EXD3: variants seen among roughly 807,000 people sequenced by gnomAD.
EXD3 encodes the protein exonuclease 3'-5' domain containing 3.
A neutral mutation model predicts 98.0 loss-of-function variants in EXD3; 92 were observed. The ratio of observed to expected loss-of-function variants is 0.94; its 90% CI spans 0.79 to 1.12. The LOEUF (loss-of-function observed/expected upper bound fraction) is 1.12, where lower values mean the gene tolerates loss of function less well. EXD3 is among the 50% of genes most tolerant of loss of function. The probability of loss-of-function intolerance (pLI) is 0.00; values close to 1 mark genes in which losing one functional copy is unlikely to be tolerated. For missense variants in EXD3, 1,222 were observed against 1,191.6 expected (o/e 1.03, Z -0.38); for synonymous variants, 569 against 526.0 (o/e 1.08, Z -1.12).
At chr9:137,358,471 C>T (rs1000727911) in intron 7 of EXD3, among the ~76,000 whole-genome samples, 17 of 152,264 alleles carry the variant, frequency 1.1e-4, no homozygotes, top group South Asian at 4.2e-4. Flanking sequence ...CTGTGCCTCC[C>T]GGGGGCTCCG....
At chr9:137,419,965 C>T (rs780443726) in intron 1 of EXD3, among the ~76,000 whole-genome samples, 1 of 152,098 alleles carries the variant, frequency 6.6e-6, no homozygotes, top group Non-Finnish European at 1.5e-5. Flanking sequence ...CGAGACCATC[C>T]TGGCTAATAC....
rs1167906106 is a variant in EXD3 at position 137,405,018 on chromosome 9, C to G, written c.-47-9614G>C. 1.3e-5 allele frequency among the ~76,000 whole-genome samples: 2 copies of G among 152,160 alleles called. No individual in the cohort carries two copies. Among genetic ancestry groups the G allele is most frequent in the Non-Finnish European group, 2.9e-5 (2 of 68,016 alleles). On this transcript the variant is annotated intron_variant, in intron 1 of 21. Coordinates refer to ENST00000340951, the MANE Select transcript of EXD3 (RefSeq NM_017820.5). This position sits in a 1 kb window ranked among gnomAD's most constrained non-coding sequence, Gnocchi z 4.1. ...CTCGAGGGGACACAGTGCTATCCCC[C>G]AGGCGAGCCGGGTGCTGGGAGGGGA...
chr9:137,321,550 G>A (rs1730829570), intron 19 of EXD3, among the ~76,000 whole-genome samples: 1 of 152,214 alleles, frequency 6.6e-6, no homozygotes, highest in Non-Finnish European at 1.5e-5. Context: ...GCCCGTGGTG[G>A]TGGGCACCTG....
chr9:137,366,656 C>A, intron 6 of EXD3, 24 bp from the exon 7 acceptor site: 1 of 1,544,976 alleles, frequency 6.5e-7, no homozygotes, highest in East Asian at 2.4e-5. Context: ...CACGGTCAGG[C>A]CACAGCCTCC....
intron 16 of EXD3, among the ~76,000 whole-genome samples, chr9:137,348,508 G>A (rs369282612): frequency 3.6e-3 from 89 of 24,996 alleles, no homozygotes; most frequent in Non-Finnish European, 5.0e-3. Flanking sequence ...ATCACGGGGA[G>A]GGGGCTAGAT....
chr9:137,391,421 G>A (rs574418282), intron 2 of EXD3, among the ~76,000 whole-genome samples: 6 of 152,146 alleles, frequency 3.9e-5, no homozygotes, highest in Non-Finnish European at 7.4e-5. Flanking sequence ...GGTCTCCTCC[G>A]GGAAGCCAGG....
At chr9:137,321,499 A>G (rs1429280922) in intron 19 of EXD3, among the ~76,000 whole-genome samples, 5 of 152,216 alleles carry the variant, frequency 3.3e-5, no homozygotes, top group Non-Finnish European at 7.3e-5. Context: ...CCTGACCAAC[A>G]TGGTGAAACC....
At chr9:137,372,662 G>A (rs1363075380) in intron 5 of EXD3, among the ~76,000 whole-genome samples, 2 of 152,202 alleles carry the variant, frequency 1.3e-5, no homozygotes, top group Non-Finnish European at 2.9e-5. Context: ...TCGGCAGGGG[G>A]AGACCCAGGC....
chr9:137,372,115 T>C (rs1835649078), intron 5 of EXD3, among the ~76,000 whole-genome samples: 1 of 152,074 alleles, frequency 6.6e-6, no homozygotes, highest in Non-Finnish European at 1.5e-5. Context: ...CCAATTCTCA[T>C]CCAGACACCT....
At chr9:137,380,353 C>G (rs1388871452) in intron 3 of EXD3, among the ~76,000 whole-genome samples, 1 of 108,284 alleles carries the variant, frequency 9.2e-6, no homozygotes, top group Non-Finnish European at 1.9e-5. Flanking sequence ...ACCCCAACCC[C>G]CGTCCGGGCA....
At chr9:137,417,238 G>C (rs1838279601) in intron 1 of EXD3, among the ~76,000 whole-genome samples, 1 of 152,222 alleles carries the variant, frequency 6.6e-6, no homozygotes, top group African/African-American at 2.4e-5. Context: ...ACGGACTCAC[G>C]CGGGCGCCGC....
intron 17 of EXD3, among the ~76,000 whole-genome samples, chr9:137,341,466 G>A (rs1316376943): frequency 3.3e-5 from 5 of 152,244 alleles, no homozygotes; most frequent in African/African-American, 4.8e-5. Flanking sequence ...AAAGGGAAAA[G>A]GCACATGGGG....
At chr9:137,389,713 T>C (rs1588407514) in intron 2 of EXD3, among the ~76,000 whole-genome samples, 1 of 152,164 alleles carries the variant, frequency 6.6e-6, no homozygotes, top group South Asian at 2.1e-4. Flanking sequence ...GGTGGATGCA[T>C]GCAGAGAGGG....
At chr9:137,414,981 G>A (rs1385233050) in intron 1 of EXD3, among the ~76,000 whole-genome samples, 1 of 152,136 alleles carries the variant, frequency 6.6e-6, no homozygotes, top group Non-Finnish European at 1.5e-5. Context: ...TTTGCCTCCA[G>A]GGTTCAAGTG....
chr9:137,376,155 T>C (rs1287504835), intron 3 of EXD3, among the ~76,000 whole-genome samples: 1 of 151,584 alleles, frequency 6.6e-6, no homozygotes, highest in Non-Finnish European at 1.5e-5. Flanking sequence ...CCAGCCTGGC[T>C]AACACAGTGA....
chr9:137,408,546 C>CAAAAAAAAAAGAAAAAAAAAAAAAA (rs1837846622), intron 1 of EXD3, among the ~76,000 whole-genome samples: 1 of 44,510 alleles, frequency 2.2e-5, no homozygotes, highest in African/African-American at 1.1e-4. Flanking sequence ...GACTCTGCCT[C>CAAAAAAAAAAGAAAAAAAAAAAAAA]AAAAAAAAAA....
intron 20 of EXD3, among the ~76,000 whole-genome samples, chr9:137,309,279 G>A (rs911795914): frequency 6.6e-6 from 1 of 152,186 alleles, no homozygotes. Context: ...GTGCACGTGT[G>A]TGTGTGTCTG....
rs1413985866 is a variant in EXD3 at position 137,372,955 on chromosome 9, A to G, written c.412T>C (p.Cys138Arg). Residue 138 changes from cysteine to arginine, a missense_variant, in exon 5 of 22, where the codon TGC (cysteine) becomes CGC (arginine). Physicochemically the swap from Cys to Arg is radical, Grantham distance 180. Transcript: ENST00000340951. ...IFQLQDADRSCLLAHVHRLHH... is the reference protein window; with the variant it reads ...IFQLQDADRSRLLAHVHRLHH... Reference sequence around the variant, plus strand: ...AGGCGGTGGACGTGTGCCAGCAGGCAGCTCCTGTCTGCATCCTGCAGCTGG... The same window carrying G: ...AGGCGGTGGACGTGTGCCAGCAGGCGGCTCCTGTCTGCATCCTGCAGCTGG... 6.2e-7 allele frequency: 1 copy of G among 1,602,712 alleles called. No homozygotes were observed. Among genetic ancestry groups the G allele is most frequent in the South Asian group, 1.1e-5 (1 of 91,064 alleles).
chr9:137,355,681 AGGAAGGAGAAAG>A (rs1564509160), intron 8 of EXD3, among the ~76,000 whole-genome samples: 30 of 130,532 alleles, frequency 2.3e-4, no homozygotes, highest in East Asian at 9.5e-4. Flanking sequence ...GGGAGGATGG[AGGAAGGAGAAAG>A]GGAGGAAGGA....
Sources: gnomAD v4.1 joint callset for allele counts (sites outside exome capture counted in the v4.1 genomes callset) on GRCh38, gnomAD v4.1.1 for gene constraint, Gnocchi (gnomAD v3.1) non-coding constraint, MANE v1.5 for transcripts, NCBI Gene and HGNC (gene_info 2026-07-23, HGNC 2026-07-21) for gene names.